Variants in PRH2 observed in about 807,000 individuals in gnomAD.
PRH2 encodes the protein salivary acidic proline-rich phosphoprotein 1/2.
In PRH2, 19 loss-of-function variants were observed where a neutral mutation model predicts 22.6. The ratio of observed to expected loss-of-function variants is 0.84; its 90% CI spans 0.59 to 1.23. The LOEUF is 1.23. Among genes scored for constraint, PRH2 ranks in the 50% most tolerant of loss-of-function variants. The pLI is 0.00. For missense variants in PRH2, 109 were observed against 203.0 expected, an observed-to-expected ratio of 0.54 and a Z score of 2.81; for synonymous variants, 45 against 72.0, an observed-to-expected ratio of 0.63 and a Z score of 1.90.
At chr12:10,929,781 G>A (rs1271155559) in intron 1 of PRH2, among the ~76,000 whole-genome samples, 3 of 152,170 alleles carry the variant, frequency 2.0e-5, no homozygotes, top group Admixed American at 2.0e-4. Context: ...ACTTGCCTCT[G>A]TCTACATAGA....
intron 2 of PRH2, 85 bp from the exon 3 acceptor site, chr12:10,930,577 C>A: frequency 6.3e-7 from 1 of 1,574,988 alleles, no homozygotes; most frequent in South Asian, 1.2e-5. Flanking sequence ...GAGAGAGGGG[C>A]CGGCCGTGTG....
At chr12:10,931,178 G>A (rs1386706693) in intron 3 of PRH2, 98 bp downstream of exon 3, 14 of 1,557,054 alleles carry the variant, frequency 9.0e-6, no homozygotes, top group African/African-American at 2.7e-5. Context: ...TAATATTTCC[G>A]TGTCCTGGAA....
In PRH2 at chr12:10,930,308, A is replaced by C. The variant is rs148842443; in HGVS notation, c.100+4A>C. On this transcript the variant is annotated splice_donor_region_variant and intron_variant, in intron 2 of 3. Coordinates refer to ENST00000396400, the MANE Select transcript of PRH2 (RefSeq NM_001110213.1). ...GACGTTCCCTTGGTAATATCAGGTA[A>C]ATCCCAATAAATTCTCAGTAAACTC... is the stretch of plus-strand genomic sequence containing the variant. 79 of 1,610,622 alleles carry C rather than the reference A, an allele frequency of 4.9e-5. No homozygotes were observed. The highest frequency in any genetic ancestry group is 1.7e-4 in the Middle Eastern group (1 of 6,056).
intron 3 of PRH2, 68 bp from the exon 4 acceptor site, chr12:10,932,158 A>G: frequency 5.0e-6 from 2 of 398,524 alleles, no homozygotes; most frequent in South Asian, 1.7e-5. Context: ...CACCGCAGTA[A>G]ACCAATGAGG....
intron 3 of PRH2, 113 bp downstream of exon 3, chr12:10,931,193 T>C (rs1462792112): frequency 5.9e-6 from 9 of 1,534,480 alleles, no homozygotes; most frequent in Non-Finnish European, 6.1e-6. Context: ...CTGGAACACA[T>C]TTCTCATGAG....
chr12:10,931,320 G>A (rs188929126), intron 3 of PRH2, among the ~76,000 whole-genome samples: 5 of 152,268 alleles, frequency 3.3e-5, no homozygotes, highest in Admixed American at 3.3e-4. Flanking sequence ...ATAGGGTTGG[G>A]AATGAGGACA....
At chr12:10,931,310 A>C in intron 3 of PRH2, 2 of 938,382 alleles carry the variant, frequency 2.1e-6, no homozygotes, top group Non-Finnish European at 3.1e-6. Context: ...CCTCTCTTAA[A>C]TAGGGTTGGG....
chr12:10,929,373 T>C (rs1245410594), intron 1 of PRH2, 36 bp downstream of exon 1: 3 of 1,613,356 alleles, frequency 1.9e-6, no homozygotes, highest in African/African-American at 1.3e-5. Context: ...GTGACTCTGA[T>C]TGGGGTTTAC....
intron 1 of PRH2, 71 bp from the exon 2 acceptor site, chr12:10,930,198 C>T (rs1950183210): frequency 9.7e-6 from 15 of 1,548,162 alleles, no homozygotes; most frequent in Non-Finnish European, 1.2e-5. Flanking sequence ...GTCCTTTATC[C>T]TCGTAGAACA....
chr12:10,934,254 A>G lies in PRH2; in HGVS notation c.*2047A>G, dbSNP rs1950254546. Among the ~76,000 whole-genome samples the G allele has an allele frequency of 2.0e-5, 3 of 152,126 alleles. No individual in the cohort carries two copies. Among genetic ancestry groups the G allele is most frequent in the Admixed American group, 1.3e-4 (2 of 15,274 alleles). On this transcript the variant is annotated 3_prime_UTR_variant, in exon 4 of 4. Coordinates refer to ENST00000396400, the MANE Select transcript of PRH2 (RefSeq NM_001110213.1). ...CCTAGTGATGTATTCTCTTCACCAC[A>G]AGAGTTTGCAGCTCTGGCTTTCTTT...
At position 10,931,000 on chromosome 12, in the gene PRH2, C is replaced by T. The variant is rs760544966; in HGVS notation, c.439C>T (p.Gln147Ter). Residue 147 changes from glutamine (Q) to a stop codon, truncating the protein, a stop_gained, in exon 3 of 4, where the codon CAG becomes TAG. Coordinates refer to ENST00000396400, the MANE Select transcript of PRH2 (RefSeq NM_001110213.1). LOFTEE classifies it high-confidence loss of function. ...GPPPPPPGKP[Q>*]GPPPQGGRPQ... ...TCCCCCACCTCCTCCTGGAAAGCCC[C>T]AGGGACCACCTCCCCAAGGGGGCCG... The T allele has an allele frequency of 6.3e-7, 1 of 1,595,508 alleles. No individual in the cohort carries two copies. The highest frequency in any genetic ancestry group is 1.7e-5 in the Admixed American group (1 of 57,928).
chr12:10,930,357 T>C, intron 2 of PRH2, 53 bp downstream of exon 2: 1 of 1,580,914 alleles, frequency 6.3e-7, no homozygotes, highest in South Asian at 1.1e-5. Context: ...CCCTGAAAAA[T>C]TGATCAGTTC....
At position 10,933,641 on chromosome 12, in the gene PRH2, T is replaced by C. The variant is rs190472302; in HGVS notation, c.*1434T>C. Reference sequence around the variant, plus strand: ...ATCTCAAAAGATGCCAACGTTGTCTTTGATAATATTTAATATATTTTTTAA... The same window carrying C: ...ATCTCAAAAGATGCCAACGTTGTCTCTGATAATATTTAATATATTTTTTAA... On this transcript the variant is annotated 3_prime_UTR_variant, in exon 4 of 4. Coordinates refer to ENST00000396400, the MANE Select transcript of PRH2 (RefSeq NM_001110213.1). Among the ~76,000 whole-genome samples, 2 of 152,198 alleles carry C rather than the reference T, an allele frequency of 1.3e-5. No individual in the cohort carries two copies. Among genetic ancestry groups the C allele is most frequent in the East Asian group, 1.9e-4 (1 of 5,192 alleles).
intron 3 of PRH2, 142 bp downstream of exon 3, chr12:10,931,222 G>T (rs546599094): frequency 6.7e-7 from 1 of 1,489,102 alleles, no homozygotes; most frequent in African/African-American, 1.4e-5. Context: ...AAATATTCTG[G>T]GATAAGGTAG....
Position 10,930,696 on chromosome 12 carries a change from G to A in PRH2, c.135G>A (p.Glu45=), listed in dbSNP as rs139004774. 150 of 1,613,870 alleles carry A rather than the reference G, an allele frequency of 9.3e-5. No individual in the cohort carries two copies. The African/African-American group carries it at 1.7e-3, about 19-fold the overall frequency. Residue 45 remains glutamate, a synonymous_variant, in exon 3 of 4, where the codon GAG becomes GAA. Transcript: ENST00000396400. ...ACTCTGAGCAGTTCATAGATGAGGA[G>A]CGTCAGGGACCACCTTTGGGAGGAC... ...GGDSEQFIDE[E]RQGPPLGGQQ...
chr12:10,932,162 AATGAGGT>A, intron 3 of PRH2, 57 bp from the exon 4 acceptor site: 1 of 405,270 alleles, frequency 2.5e-6, no homozygotes, highest in Non-Finnish European at 5.3e-6. Flanking sequence ...GCAGTAAACC[AATGAGGT>A]ATTAGACATT....
Position 10,934,677 on chromosome 12 carries a change from A to G in PRH2, c.*2470A>G, listed in dbSNP as rs1950261591. Among the ~76,000 whole-genome samples the G allele has an allele frequency of 1.3e-5, 2 of 152,128 alleles. No homozygotes were observed. The highest frequency in any genetic ancestry group is 2.9e-5 in the Non-Finnish European group (2 of 67,998). On this transcript the variant is annotated 3_prime_UTR_variant, in exon 4 of 4. Transcript: ENST00000396400. ...AGAAAGCACTAAGGTGTACTAATGA[A>G]TGGGCACATAGCTTTTTTCACAAAA...
chr12:10,929,866 G>A lies in PRH2; in HGVS notation c.65-403G>A, dbSNP rs149662024. ...GTAGTATTTTAATGTGCTGGGACGGGCATTTGTAAGATTGTATCTAAGTGG... is the reference window on the plus strand; with the variant it reads ...GTAGTATTTTAATGTGCTGGGACGGACATTTGTAAGATTGTATCTAAGTGG... On this transcript the variant is annotated intron_variant, in intron 1 of 3. Transcript: ENST00000396400. 2.3e-3 allele frequency among the ~76,000 whole-genome samples: 349 copies of A among 152,280 alleles called. 1 individual carries two copies. The highest frequency in any genetic ancestry group is 7.9e-3 in the African/African-American group (328 of 41,558).
At chr12:10,929,801 T>A (rs1950177129) in intron 1 of PRH2, among the ~76,000 whole-genome samples, 1 of 152,144 alleles carries the variant, frequency 6.6e-6, no homozygotes, top group African/African-American at 2.4e-5. Context: ...AGTTAGAGAA[T>A]CACCAGAGTG....
Sources: allele counts gnomAD v4.1 joint callset (sites outside exome capture counted in the v4.1 genomes callset), GRCh38; gene constraint gnomAD v4.1.1; transcripts MANE v1.5; gene names NCBI Gene and HGNC (gene_info 2026-07-23, HGNC 2026-07-21).